The following RYR2 variants were observed in gnomAD, a reference collection of about 807,000 sequenced individuals.
RYR2 encodes ryanodine receptor 2, also known as cardiac muscle ryanodine receptor-calcium release channel.
RYR2 carries 227 observed loss-of-function variants against 601.1 expected under a neutral mutation model. The observed-to-expected ratio is 0.38, with a 90% confidence interval of 0.34 to 0.42. RYR2 has a LOEUF of 0.42. RYR2 is among the 10% of genes least tolerant of loss of function. RYR2 has a pLI of 1.00. For missense variants in RYR2, 4,646 were observed against 6,156.5 expected, an observed-to-expected ratio of 0.75 and a Z score of 8.21; for synonymous variants, 2,223 against 2,175.1, an observed-to-expected ratio of 1.02 and a Z score of -0.61.
chr1:237,517,016 A>G (rs1175985721), intron 24 of RYR2, among the ~76,000 whole-genome samples: 9 of 152,166 alleles, frequency 5.9e-5, no homozygotes, highest in Admixed American at 5.9e-4. Flanking sequence ...ATGGCTTCCC[A>G]TGGAACTTGG....
intron 82 of RYR2, 121 bp downstream of exon 82, chr1:237,757,897 A>G: frequency 3.1e-6 from 2 of 640,006 alleles, no homozygotes; most frequent in African/African-American, 1.8e-5. Flanking sequence ...TTAGTTTACC[A>G]CAGTACTGAA....
In RYR2 at chr1:237,506,418, T is replaced by G. The variant is rs543243355; in HGVS notation, c.2614-292T>G. Among the ~76,000 whole-genome samples, 1,487 of 152,004 alleles carry G rather than the reference T, an allele frequency of 9.8e-3. 28 individuals are homozygous for G. Among genetic ancestry groups the G allele is most frequent in the African/African-American group, 0.032 (1,333 of 41,440 alleles). ...CCGGGCGTAGTGGTGGGCACCTGCA[T>G]TCCCAGCTACTCGGGAGGCTGAGGC... On this transcript the variant is annotated intron_variant, in intron 22 of 104. Transcript: ENST00000366574.
Position 237,493,082 on chromosome 1 carries a change from C to G in RYR2, c.1956C>G (p.Val652=), listed in dbSNP as rs2150422314. The G allele has an allele frequency of 6.2e-7, 1 of 1,613,572 alleles. No individual in the cohort carries two copies. Among genetic ancestry groups the G allele is most frequent in the Non-Finnish European group, 8.5e-7 (1 of 1,179,780 alleles). The change falls in exon 19 of 105, where the codon GTC becomes GTG. Residue 652 remains valine, a synonymous_variant. Coordinates refer to ENST00000366574, the MANE Select transcript of RYR2 (RefSeq NM_001035.3). ...TGCAGACACGTCTTGTGAACCATGTCAGCAGGTAAATTCAGACAGACAATG... is the reference window on the plus strand; with the variant it reads ...TGCAGACACGTCTTGTGAACCATGTGAGCAGGTAAATTCAGACAGACAATG... ...LLLQTRLVNH[V]SSMRPNIFLG...
chr1:237,566,597 G>A lies in RYR2; in HGVS notation c.3245G>A (p.Gly1082Glu). The A allele has an allele frequency of 6.2e-7, 1 of 1,613,962 alleles. No homozygotes were observed. Among genetic ancestry groups the A allele is most frequent in the Non-Finnish European group, 8.5e-7 (1 of 1,179,870 alleles). ...AARAEVCSGT[G>E]ERFRIFRAEK... ...AGAGCCGAAGTGTGCAGCGGCACCG[G>A]GGAAAGGTTCCGAATCTTCCGTGCC... is the stretch of plus-strand genomic sequence containing the variant. Residue 1082 changes from glycine to glutamate, a missense_variant, in exon 28 of 105, where the codon GGG becomes GAG. By Grantham distance (98) the Gly-to-Glu change is moderately conservative. This residue lies in a region of RYR2 where 1,807 missense variants were observed against 2,088.1 expected (regional missense o/e 0.87). Transcript: ENST00000366574.
At chr1:237,525,035 T>A (rs572123630) in intron 24 of RYR2, among the ~76,000 whole-genome samples, 1 of 152,248 alleles carries the variant, frequency 6.6e-6, no homozygotes, top group East Asian at 1.9e-4. Context: ...ATAGGTATAA[T>A]GGTGGGAATT....
At chr1:237,186,065 AC>A (rs751059512) in intron 1 of RYR2, among the ~76,000 whole-genome samples, 1 of 152,204 alleles carries the variant, frequency 6.6e-6, no homozygotes, top group Non-Finnish European at 1.5e-5. Context: ...TCATGGGTCT[AC>A]AACCTGGGAG....
intron 12 of RYR2, among the ~76,000 whole-genome samples, chr1:237,426,484 G>C (rs764402970): frequency 6.6e-6 from 1 of 152,072 alleles, no homozygotes; most frequent in Non-Finnish European, 1.5e-5. Flanking sequence ...GAATTTGCTA[G>C]TTTATCTACT....
intron 73 of RYR2, among the ~76,000 whole-genome samples, chr1:237,720,041 T>C (rs1689593261): frequency 6.6e-6 from 1 of 152,170 alleles, no homozygotes; most frequent in African/African-American, 2.4e-5. Flanking sequence ...TTTTTAATGG[T>C]GGGTGAAAGA....
At chr1:237,147,344 G>A (rs1674116471) in intron 1 of RYR2, among the ~76,000 whole-genome samples, 1 of 152,022 alleles carries the variant, frequency 6.6e-6, no homozygotes, top group Non-Finnish European at 1.5e-5. Flanking sequence ...AGAGGAAAAG[G>A]GTGTGCACCT....
At chr1:237,620,388 C>G (rs1016991530) in intron 38 of RYR2, among the ~76,000 whole-genome samples, 2 of 151,962 alleles carry the variant, frequency 1.3e-5, no homozygotes, top group African/African-American at 4.8e-5. Flanking sequence ...AAATATTGTT[C>G]AAGTAATGCA....
chr1:237,575,507 G>A (rs771242101), intron 29 of RYR2, among the ~76,000 whole-genome samples: 29 of 152,234 alleles, frequency 1.9e-4, no homozygotes, highest in Non-Finnish European at 3.7e-4. Context: ...AAGAACAAGG[G>A]TAATAGAGGC....
rs1008031175 is a variant in RYR2 at position 237,784,862 on chromosome 1, C to A, written c.13150C>A (p.Leu4384Met). The change falls in exon 90 of 105, where the codon CTG (leucine) becomes ATG (methionine). Residue 4384 changes from leucine to methionine, a missense_variant. Physicochemically the swap from Leu to Met is conservative, Grantham distance 15. Around this residue, in one of 17 missense-constraint regions of RYR2, gnomAD observed 364 missense variants for 442.9 expected, o/e 0.82. Transcript: ENST00000366574. This position sits in a 1 kb window ranked among gnomAD's most constrained non-coding sequence, Gnocchi z 7.1. Reference protein sequence around the residue: ...DLLSDIFGLDLKREGGQYKLI... With the variant: ...DLLSDIFGLDMKREGGQYKLI... ...TCTTTCGGACATCTTTGGCCTGGAT[C>A]TGAAGAGAGAAGGAGGACAGTACAA... 1 of 1,613,712 alleles carries A rather than the reference C, an allele frequency of 6.2e-7. No individual in the cohort carries two copies. Among genetic ancestry groups the A allele is most frequent in the African/African-American group, 1.3e-5 (1 of 74,892 alleles).
intron 42 of RYR2, 106 bp from the exon 43 acceptor site, chr1:237,633,472 C>T: frequency 7.3e-7 from 1 of 1,360,652 alleles, no homozygotes; most frequent in South Asian, 1.3e-5. Flanking sequence ...GTTTGGCACA[C>T]ACATGGACAC....
intron 2 of RYR2, among the ~76,000 whole-genome samples, chr1:237,272,256 G>A (rs1315619628): frequency 2.6e-5 from 4 of 152,002 alleles, no homozygotes; most frequent in African/African-American, 4.8e-5. Flanking sequence ...TCCCTTACAG[G>A]TCAAAGTCCT....
intron 8 of RYR2, among the ~76,000 whole-genome samples, chr1:237,386,204 T>C (rs1371217754): frequency 1.3e-5 from 2 of 152,222 alleles, no homozygotes; most frequent in Non-Finnish European, 2.9e-5. Context: ...GAAAAATGAC[T>C]GATAAACACT....
chr1:237,660,125 A>T, intron 55 of RYR2, 51 bp downstream of exon 55: 1 of 1,098,374 alleles, frequency 9.1e-7, no homozygotes, highest in Non-Finnish European at 1.2e-6. Context: ...TCTTTTGAAA[A>T]ATGTGTTTTT....
In RYR2 at chr1:237,061,922, T is replaced by C. The variant is rs1027160289; in HGVS notation, c.48+19353T>C. On this transcript the variant is annotated intron_variant, in intron 1 of 104. Transcript: ENST00000366574. ...GCTCTTAGAATTGATATTTTGTTTA[T>C]AGTTTGAGGTAGAGATCAGTCCCTC... Among the ~76,000 whole-genome samples the C allele has an allele frequency of 9.2e-5, 14 of 152,306 alleles. 1 individual carries two copies. Among genetic ancestry groups the C allele is most frequent in the African/African-American group, 3.4e-4 (14 of 41,566 alleles).
At position 237,732,082 on chromosome 1, in the gene RYR2, A is replaced by C. The variant is rs763304030; in HGVS notation, c.10972A>C (p.Thr3658Pro). The C allele has an allele frequency of 2.5e-6, 4 of 1,611,708 alleles. No homozygotes were observed. The South Asian group carries it at 4.4e-5, about 18-fold the overall frequency. ...TGAACCTCCAGAAGAAGATGAAGGCACTAAGAGAGTTGATCCTCTACATCA... is the reference window on the plus strand; with the variant it reads ...TGAACCTCCAGAAGAAGATGAAGGCCCTAAGAGAGTTGATCCTCTACATCA... ...GAEPPEEDEG[T>P]KRVDPLHQLI... The change falls in exon 78 of 105, where the codon ACT (threonine) becomes CCT (proline). Residue 3658 changes from threonine (T) to proline (P), a missense_variant. Thr to Pro is a conservative substitution (Grantham distance 38, BLOSUM62 -1). Around this residue, in one of 17 missense-constraint regions of RYR2, gnomAD observed 1,497 missense variants for 1,842.6 expected, o/e 0.81. Transcript: ENST00000366574.
At chr1:237,631,613 A>ATTTTGTTTTTTTTTTTTTTTTTTTTTTT (rs1680263673) in intron 42 of RYR2, 72 bp downstream of exon 42, 1 of 191,274 alleles carries the variant, frequency 5.2e-6, no homozygotes, top group African/African-American at 6.8e-5. Flanking sequence ...TAGAATGCAG[A>ATTTTGTTTTTTTTTTTTTTTTTTTTTTT]TTTTTTTTTT....
Sources: allele counts gnomAD v4.1 joint callset (sites outside exome capture counted in the v4.1 genomes callset), GRCh38; gene constraint gnomAD v4.1.1; regional missense constraint gnomAD v4.1.1; non-coding constraint Gnocchi (gnomAD v3.1); transcripts MANE v1.5; gene names NCBI Gene and HGNC (gene_info 2026-07-23, HGNC 2026-07-21).